ATXN10: variants seen among roughly 807,000 people sequenced by gnomAD.
The protein encoded by ATXN10 is ataxin 10.
In ATXN10, 28 loss-of-function variants were observed where a neutral mutation model predicts 52.9. That is an observed-to-expected ratio of 0.53 (90% CI 0.39 to 0.73). The LOEUF (loss-of-function observed/expected upper bound fraction) is 0.73, where lower values mean the gene tolerates loss of function less well. Among genes scored for constraint, ATXN10 ranks in the 30% least tolerant of loss-of-function variants. The pLI, the probability that ATXN10 is intolerant of heterozygous loss-of-function variation, is 0.00. For missense variants in ATXN10, 565 were observed against 577.0 expected, an observed-to-expected ratio of 0.98 and a Z score of 0.21; for synonymous variants, 226 against 221.5, an observed-to-expected ratio of 1.02 and a Z score of -0.18.
rs1410626911 is a variant in ATXN10 at position 45,750,802 on chromosome 22, G to A, written c.1173+10264G>A. On this transcript the variant is annotated intron_variant, in intron 9 of 11. Transcript: ENST00000252934. This position sits in a 1 kb window ranked among gnomAD's most constrained non-coding sequence, Gnocchi z 4.2. The stretch of plus-strand genomic sequence containing the variant: ...TTTACCATGTGATAAGGATAATCCA[G>A]CAACCCGGGGAGAAAAGGAAAGCTT... Among the ~76,000 whole-genome samples, 3 of 152,170 alleles carry A rather than the reference G, an allele frequency of 2.0e-5. No individual in the cohort carries two copies. The highest frequency in any genetic ancestry group is 4.4e-5 in the Non-Finnish European group (3 of 68,024).
intron 8 of ATXN10, among the ~76,000 whole-genome samples, chr22:45,739,476 G>A (rs948043745): frequency 3.9e-5 from 6 of 152,198 alleles, no homozygotes; most frequent in Admixed American, 6.5e-5. Context: ...ATGACTTTGT[G>A]TCTAGCAGTA....
chr22:45,742,833 TC>T (rs138173), intron 9 of ATXN10, among the ~76,000 whole-genome samples: 131,879 of 152,190 alleles, frequency 0.87, 57,477 homozygotes, highest in African/African-American at 0.96. Flanking sequence ...GACTACTGAT[TC>T]CCCCCTTGGG....
chr22:45,793,719 C>T, intron 9 of ATXN10: 1 of 1,471,920 alleles, frequency 6.8e-7, no homozygotes, highest in African/African-American at 1.4e-5. Context: ...GCCCTCTTGC[C>T]TGCTACTGAG....
At chr22:45,686,937 G>A (rs1029033922) in intron 1 of ATXN10, among the ~76,000 whole-genome samples, 4 of 152,154 alleles carry the variant, frequency 2.6e-5, no homozygotes, top group African/African-American at 4.8e-5. Flanking sequence ...TGGCGAAATC[G>A]GGGGTTTTCA....
chr22:45,689,499 A>C (rs1184481184), intron 1 of ATXN10: 2 of 590,934 alleles, frequency 3.4e-6, no homozygotes, highest in Non-Finnish European at 6.0e-6. Flanking sequence ...GCAGAGACTG[A>C]GATAATACAT....
chr22:45,737,451 T>C (rs1440214806), intron 7 of ATXN10, among the ~76,000 whole-genome samples: 1 of 152,170 alleles, frequency 6.6e-6, no homozygotes, highest in Non-Finnish European at 1.5e-5. Context: ...TTTAACATGG[T>C]ACTACTAATC....
intron 9 of ATXN10, among the ~76,000 whole-genome samples, chr22:45,748,005 C>G (rs905634029): frequency 6.6e-6 from 1 of 152,016 alleles, no homozygotes; most frequent in African/African-American, 2.4e-5. Context: ...TTGAGACCAG[C>G]CTGGGCAACG....
intron 9 of ATXN10, among the ~76,000 whole-genome samples, chr22:45,764,455 T>G (rs1159815035): frequency 6.6e-6 from 1 of 152,168 alleles, no homozygotes; most frequent in Non-Finnish European, 1.5e-5. Context: ...ACATCTCCCT[T>G]GCGTCTGGCT....
chr22:45,843,670 G>A lies in ATXN10; in HGVS notation c.1427G>A (p.Ter476=). The change falls in exon 12 of 12, where the codon TGA becomes TAA. Residue 476 remains the stop codon, a splice_region_variant and stop_retained_variant. Transcript: ENST00000252934. The surrounding 1 kb of genome is among the most constrained non-coding windows in gnomAD (Gnocchi z 4.5). ...TTTTGTTTCTTTCTTCTTCTTTAGT[G>A]AATGAACTACATCCAAATACCTGAA... ...LKSTRDTPKP[*] is the part of the protein sequence containing the mutation. 1 of 1,612,050 alleles carries A rather than the reference G, an allele frequency of 6.2e-7. No individual in the cohort carries two copies.
At chr22:45,771,975 C>G (rs891346232) in intron 9 of ATXN10, among the ~76,000 whole-genome samples, 1 of 152,170 alleles carries the variant, frequency 6.6e-6, no homozygotes, top group African/African-American at 2.4e-5. Flanking sequence ...ATTCTGGTCA[C>G]AAGTTCTTTG....
At position 45,769,163 on chromosome 22, in the gene ATXN10, T is replaced by G. The variant is rs1311684586; in HGVS notation, c.1173+28625T>G. 5.3e-5 allele frequency among the ~76,000 whole-genome samples: 8 copies of G among 152,092 alleles called. No individual in the cohort carries two copies. Among genetic ancestry groups the G allele is most frequent in the Admixed American group, 5.2e-4 (8 of 15,276 alleles). On this transcript the variant is annotated intron_variant, in intron 9 of 11. Transcript: ENST00000252934. This position sits in a 1 kb window ranked among gnomAD's most constrained non-coding sequence, Gnocchi z 4.2. ...TTCATTTAAAAAAATGGTTAAAAAT[T>G]TTTAAAGAGTTGTTATTGTTGTTGA...
rs1928789743 is a variant in ATXN10, at chr22:45,825,648, A to T, written c.1238-17343A>T. Among the ~76,000 whole-genome samples, 1 of 152,244 alleles carries T rather than the reference A, an allele frequency of 6.6e-6. No individual in the cohort carries two copies. The highest frequency in any genetic ancestry group is 2.1e-4 in the South Asian group (1 of 4,834). On this transcript the variant is annotated intron_variant, in intron 10 of 11. Coordinates refer to ENST00000252934, the MANE Select transcript of ATXN10 (RefSeq NM_013236.4). This position sits in a 1 kb window ranked among gnomAD's most constrained non-coding sequence, Gnocchi z 4.5. ...CAATCATAAGGCATACATAAGAAAC[A>T]GGAAAGTAGGCCCATTCAAGGGGGA...
chr22:45,764,702 G>T (rs1040150220), intron 9 of ATXN10, among the ~76,000 whole-genome samples: 1 of 152,222 alleles, frequency 6.6e-6, no homozygotes, highest in African/African-American at 2.4e-5. Context: ...GGTGTAAAAT[G>T]AGACTCTCTG....
rs1413651883 is a variant in ATXN10 at position 45,736,377 on chromosome 22, AC to A, written c.895-2353del. Among the ~76,000 whole-genome samples, 3 of 152,170 alleles carry A rather than the reference AC, an allele frequency of 2.0e-5. 1 individual carries two copies. Among genetic ancestry groups the A allele is most frequent in the Non-Finnish European group, 4.4e-5 (3 of 68,034 alleles). ...TAATATGAAGAAAACATCTAAAATA[AC>A]TAATAATAACATTTATTATCAAATA... On this transcript the variant is annotated intron_variant, in intron 7 of 11. Transcript: ENST00000252934.
chr22:45,793,592 C>A lies in ATXN10; in HGVS notation c.1174-13367C>A, dbSNP rs940075859. The A allele has an allele frequency of 9.1e-6, 12 of 1,316,962 alleles. No homozygotes were observed. The African/African-American group carries it at 1.8e-4, about 20-fold the overall frequency. The allele number at this position is 1,316,962 out of a possible 1,614,324, so 81.6% of individuals were successfully genotyped here. A position where few individuals can be genotyped will look rare whatever the true frequency, so the allele number is the denominator to read the frequency against. Reference sequence around the variant, plus strand: ...ATGACTAGAATTCTGGAGCCTGCACCTTCATTTTAGGCAGCTATTGCTTCA... The same window carrying A: ...ATGACTAGAATTCTGGAGCCTGCACATTCATTTTAGGCAGCTATTGCTTCA... On this transcript the variant is annotated intron_variant, in intron 9 of 11. Transcript: ENST00000252934.
chr22:45,803,275 A>G (rs1166130140), intron 9 of ATXN10, among the ~76,000 whole-genome samples: 1 of 152,124 alleles, frequency 6.6e-6, no homozygotes, highest in African/African-American at 2.4e-5. Flanking sequence ...CTTAATCCCT[A>G]TGCCGCACTG....
rs1302684550 is a variant in ATXN10, at chr22:45,840,744, C to T, written c.1238-2247C>T. Among the ~76,000 whole-genome samples the T allele has an allele frequency of 6.6e-6, 1 of 152,220 alleles. No homozygotes were observed. Among genetic ancestry groups the T allele is most frequent in the African/African-American group, 2.4e-5 (1 of 41,448 alleles). The stretch of plus-strand genomic sequence containing the variant: ...TCTGAGCCAACCACCCCTCTGATCT[C>T]AGGAGCTCTGAATGCATTATTGGGA... On this transcript the variant is annotated intron_variant, in intron 10 of 11. Coordinates refer to ENST00000252934, the MANE Select transcript of ATXN10 (RefSeq NM_013236.4). The surrounding 1 kb of genome is among the most constrained non-coding windows in gnomAD (Gnocchi z 5.8).
At chr22:45,735,639 T>G (rs1471014125) in intron 7 of ATXN10, among the ~76,000 whole-genome samples, 1 of 152,148 alleles carries the variant, frequency 6.6e-6, no homozygotes, top group African/African-American at 2.4e-5. Context: ...TGCATTTTAA[T>G]GGACAGGAAT....
chr22:45,720,672 C>T (rs935858078), intron 6 of ATXN10, among the ~76,000 whole-genome samples: 1 of 152,160 alleles, frequency 6.6e-6, no homozygotes, highest in Non-Finnish European at 1.5e-5. Flanking sequence ...CTACTATCAA[C>T]AAACTGAAAA....
Sources: gnomAD v4.1 joint callset for allele counts (sites outside exome capture counted in the v4.1 genomes callset) on GRCh38, gnomAD v4.1.1 for gene constraint, Gnocchi (gnomAD v3.1) non-coding constraint, MANE v1.5 for transcripts, NCBI Gene and HGNC (gene_info 2026-07-23, HGNC 2026-07-21) for gene names.